The following PAXIP1 variants were observed in gnomAD, a reference collection of about 807,000 sequenced individuals.
PAXIP1 encodes PAX interacting protein 1.
In PAXIP1, 19 loss-of-function variants were observed where a neutral mutation model predicts 140.6. That is an observed-to-expected ratio of 0.14 (90% CI 0.09 to 0.20). The LOEUF is 0.20. Ranked by LOEUF, PAXIP1 falls within the 10% of genes least tolerant of loss-of-function variation. The pLI is 1.00. For missense variants in PAXIP1, 920 were observed against 1,208.6 expected (o/e 0.76, Z 3.54); for synonymous variants, 442 against 444.6 (o/e 0.99, Z 0.07).
intron 5 of PAXIP1, among the ~76,000 whole-genome samples, chr7:154,977,335 T>C (rs897362477): frequency 3.3e-5 from 5 of 152,246 alleles, no homozygotes; most frequent in African/African-American, 1.2e-4. Context: ...AGCAATTCTC[T>C]AGCAAACACA....
intron 6 of PAXIP1, 133 bp downstream of exon 6, chr7:154,975,563 C>T (rs1809532887): frequency 3.2e-6 from 2 of 624,104 alleles, no homozygotes; most frequent in East Asian, 5.5e-5. Flanking sequence ...CACAAGTAAA[C>T]AGGTTCTCAC....
intron 16 of PAXIP1, among the ~76,000 whole-genome samples, chr7:154,953,279 G>C (rs1311646973): frequency 6.6e-6 from 1 of 152,170 alleles, no homozygotes; most frequent in Non-Finnish European, 1.5e-5. Flanking sequence ...GCATAGGTGA[G>C]AAAGTGCGAG....
Position 154,986,266 on chromosome 7 carries a change from G to T in PAXIP1, c.325-2934C>A. The T allele has an allele frequency of 2.1e-6, 2 of 945,300 alleles. No individual in the cohort carries two copies. Among genetic ancestry groups the T allele is most frequent in the Non-Finnish European group, 2.9e-6 (2 of 698,036 alleles). 58.6% of individuals were successfully genotyped at this position (945,300 alleles called of 1,614,324 possible). On this transcript the variant is annotated intron_variant, in intron 4 of 20. Coordinates refer to ENST00000404141, the MANE Select transcript of PAXIP1 (RefSeq NM_007349.4). This position sits in a 1 kb window ranked among gnomAD's most constrained non-coding sequence, Gnocchi z 4.8. ...GGGGTCCTGCCTGGCGTGTGCATGT[G>T]AGTGTGTGTGCGCATGGGTGCTCCA... is the stretch of plus-strand genomic sequence containing the variant.
Position 154,968,423 on chromosome 7 carries a change from C to A in PAXIP1, c.1778G>T (p.Gly593Val). 6.5e-7 allele frequency: 1 copy of A among 1,548,470 alleles called. No homozygotes were observed. Among genetic ancestry groups the A allele is most frequent in the Middle Eastern group, 1.7e-4 (1 of 5,982 alleles). ...PPSPQQHQLF[G>V]HDPAVEIPEE... The stretch of plus-strand genomic sequence containing the variant: ...CTAACTCTCCACTGCTGGATCATGT[C>A]CAAAAAGCTGATGCTGCTGAGGCGA... The change falls in exon 7 of 21, where the codon GGA (glycine) becomes GTA (valine). Residue 593 changes from glycine to valine, a missense_variant. This residue lies in a region of PAXIP1 where 62 missense variants were observed against 69.0 expected (regional missense o/e 0.90). Transcript: ENST00000404141.
chr7:154,998,741 T>C lies in PAXIP1; in HGVS notation c.125A>G (p.Tyr42Cys). ...LKAGKAKEVS[Y>C]NALASHIISE... ...GATTATGTGTGAGGCTAGTGCATTG[T>C]AGGAAACTTCCTTCGCTTTTCCAGC... The change falls in exon 2 of 21, where the codon TAC becomes TGC. Residue 42 changes from tyrosine (Y) to cysteine (C), a missense_variant. By Grantham distance (194) the Tyr-to-Cys change is radical (BLOSUM62 -2). This residue lies in a region of PAXIP1 where 419 missense variants were observed against 514.7 expected (regional missense o/e 0.81). Transcript: ENST00000404141. 6.2e-7 allele frequency: 1 copy of C among 1,613,384 alleles called. No homozygotes were observed. Among genetic ancestry groups the C allele is most frequent in the Non-Finnish European group, 8.5e-7 (1 of 1,179,544 alleles).
intron 10 of PAXIP1, 70 bp from the exon 11 acceptor site, chr7:154,961,718 T>C (rs1396626362): frequency 7.9e-7 from 1 of 1,262,918 alleles, no homozygotes; most frequent in Non-Finnish European, 1.1e-6. Context: ...CTATTTCTTC[T>C]ACTTCTTAGT....
chr7:154,961,586 C>G lies in PAXIP1; in HGVS notation c.2190G>C (p.Leu730Phe). The G allele has an allele frequency of 6.2e-7, 1 of 1,606,176 alleles. No individual in the cohort carries two copies. Among genetic ancestry groups the G allele is most frequent in the Non-Finnish European group, 8.5e-7 (1 of 1,175,636 alleles). Reference protein sequence around the residue: ...DRDDLKLMAYLAGAKYTGYLC... With the variant: ...DRDDLKLMAYFAGAKYTGYLC... ...GATAACCCGTATATTTGGCACCTGC[C>G]AAATAAGCCATTAATTTTAGGTCAT... The change falls in exon 11 of 21, where the codon TTG (leucine) becomes TTC (phenylalanine). Residue 730 changes from leucine to phenylalanine, a missense_variant. Leu to Phe is a conservative substitution (Grantham distance 22, BLOSUM62 0). This residue lies in a region of PAXIP1 where 303 missense variants were observed against 517.9 expected (regional missense o/e 0.59). Coordinates refer to ENST00000404141, the MANE Select transcript of PAXIP1 (RefSeq NM_007349.4).
intron 16 of PAXIP1, among the ~76,000 whole-genome samples, chr7:154,953,524 T>C (rs1455901959): frequency 6.6e-6 from 1 of 151,946 alleles, no homozygotes; most frequent in Admixed American, 6.6e-5. Flanking sequence ...CAGGGGAGGA[T>C]GGAGGACACA....
At chr7:154,947,835 G>T in intron 17 of PAXIP1, 68 bp downstream of exon 17, 1 of 1,104,996 alleles carries the variant, frequency 9.0e-7, no homozygotes, top group Non-Finnish European at 1.4e-6. Flanking sequence ...AAATCACCTG[G>T]TAGTTCCCTT....
At chr7:155,002,778 ACGGGG>A in intron 1 of PAXIP1, 66 bp downstream of exon 1, 1 of 721,454 alleles carries the variant, frequency 1.4e-6, no homozygotes. Context: ...AGGAGCGGGG[ACGGGG>A]ACGGGGACGG....
chr7:154,978,643 GAATA>G (rs1236919945), intron 5 of PAXIP1, among the ~76,000 whole-genome samples: 3 of 152,086 alleles, frequency 2.0e-5, no homozygotes, highest in African/African-American at 7.2e-5. Context: ...GTACACAGCA[GAATA>G]TTTATGAACC....
intron 16 of PAXIP1, chr7:154,952,205 C>T (rs888333880): frequency 1.3e-5 from 2 of 152,086 alleles, no homozygotes; most frequent in Non-Finnish European, 1.5e-5. Flanking sequence ...ACATGCGAGC[C>T]GCATTATTTC....
chr7:154,980,582 T>A (rs1231457252), intron 5 of PAXIP1, among the ~76,000 whole-genome samples: 1 of 151,786 alleles, frequency 6.6e-6, no homozygotes, highest in Non-Finnish European at 1.5e-5. Flanking sequence ...ATCCAGCTAA[T>A]TTTTTATTTT....
In PAXIP1 at chr7:154,946,153, A is replaced by T; in HGVS notation, c.3194+212T>A. 14 of 979,068 alleles carry T rather than the reference A, an allele frequency of 1.4e-5. No individual in the cohort carries two copies. Among genetic ancestry groups the T allele is most frequent in the Non-Finnish European group, 1.7e-5 (14 of 824,126 alleles). The allele number at this position is 979,068 out of a possible 1,614,324, so 60.6% of individuals were successfully genotyped here. On this transcript the variant is annotated intron_variant, in intron 20 of 20. Coordinates refer to ENST00000404141, the MANE Select transcript of PAXIP1 (RefSeq NM_007349.4). The surrounding 1 kb of genome is among the most constrained non-coding windows in gnomAD (Gnocchi z 4.9). ...AGATCCTTTCTAATTAACATCACCT[A>T]TTAAAACTGAACTCTCAGTAAGTTA...
In PAXIP1 at chr7:154,944,029, T is replaced by C; in HGVS notation, c.*120A>G. 1.1e-6 allele frequency: 1 copy of C among 873,628 alleles called. No homozygotes were observed. Among genetic ancestry groups the C allele is most frequent in the Non-Finnish European group, 1.9e-6 (1 of 524,508 alleles). 54.1% of individuals were successfully genotyped at this position (873,628 alleles called of 1,614,324 possible). On this transcript the variant is annotated 3_prime_UTR_variant, in exon 21 of 21. Transcript: ENST00000404141. ...ATATCTGTCTTCCTGCTTCACAGTC[T>C]GATCCCCCAGGAAAGCAGCTGGAAA...
chr7:154,958,662 A>G (rs1303941061), intron 13 of PAXIP1, among the ~76,000 whole-genome samples: 1 of 152,220 alleles, frequency 6.6e-6, no homozygotes, highest in Non-Finnish European at 1.5e-5. Flanking sequence ...ATAGAAACAA[A>G]TGGTGGGATA....
intron 3 of PAXIP1, among the ~76,000 whole-genome samples, chr7:154,993,194 T>C (rs1810426766): frequency 6.6e-6 from 1 of 152,176 alleles, no homozygotes; most frequent in African/African-American, 2.4e-5. Context: ...GGCACATCTA[T>C]GAATGCTCCA....
rs1810986642 is a variant in PAXIP1 at position 155,002,791 on chromosome 7, CGGGG to C, written c.81+54_81+57del. 3 of 985,314 alleles carry C rather than the reference CGGGG, an allele frequency of 3.0e-6. No individual in the cohort carries two copies. The African/African-American group carries it at 5.2e-5, about 17-fold the overall frequency. The allele number at this position is 985,314 out of a possible 1,614,324, so 61.0% of individuals were successfully genotyped here. A position where few individuals can be genotyped will look rare whatever the true frequency, so the allele number is the denominator to read the frequency against. On this transcript the variant is annotated intron_variant, in intron 1 of 20. Transcript: ENST00000404141. ...GCAGGAGCGGGGACGGGGACGGGGA[CGGGG>C]ACGGACGGGGACGCGGACGGGGGAG...
chr7:154,980,333 C>A (rs903274179), intron 5 of PAXIP1, among the ~76,000 whole-genome samples: 9 of 151,770 alleles, frequency 5.9e-5, no homozygotes, highest in African/African-American at 2.2e-4. Context: ...AACAGATATA[C>A]AACATTAATC....
Sources: allele counts gnomAD v4.1 joint callset (sites outside exome capture counted in the v4.1 genomes callset), GRCh38; gene constraint gnomAD v4.1.1; regional missense constraint gnomAD v4.1.1; non-coding constraint Gnocchi (gnomAD v3.1); transcripts MANE v1.5; gene names NCBI Gene and HGNC (gene_info 2026-07-23, HGNC 2026-07-21).